The following PLPPR1 variants were observed in gnomAD, a reference collection of about 807,000 sequenced individuals.
PLPPR1 encodes the protein phospholipid phosphatase related 1, also known as phospholipid phosphatase-related protein type 1.
PLPPR1 carries 10 observed loss-of-function variants against 33.1 expected under a neutral mutation model. The observed-to-expected ratio is 0.30, with a 90% CI of 0.19 to 0.51. PLPPR1 has a LOEUF of 0.51. PLPPR1 is among the 20% of genes least tolerant of loss of function. PLPPR1 has a pLI of 0.97. For synonymous variants in PLPPR1, 151 were observed against 151.0 expected (o/e 1.00, Z 0.00); for missense variants, 304 against 408.1 (o/e 0.74, Z 2.20).
chr9:101,094,925 A>G (rs900429746), intron 1 of PLPPR1, among the ~76,000 whole-genome samples: 4 of 152,140 alleles, frequency 2.6e-5, no homozygotes, highest in Non-Finnish European at 1.5e-5. Flanking sequence ...ATTAGGCAGG[A>G]AGTTTCAAGG....
intron 1 of PLPPR1, among the ~76,000 whole-genome samples, chr9:101,120,728 T>G (rs926727825): frequency 1.5e-5 from 2 of 137,362 alleles, no homozygotes; most frequent in Admixed American, 7.4e-5. Flanking sequence ...TGAGGACCAG[T>G]TACTCAGCCA....
intron 4 of PLPPR1, among the ~76,000 whole-genome samples, chr9:101,291,725 A>G (rs903369692): frequency 2.6e-5 from 4 of 152,230 alleles, no homozygotes; most frequent in Non-Finnish European, 4.4e-5. Context: ...CCCGCAGCTG[A>G]GGGTCCTGTC....
intron 1 of PLPPR1, among the ~76,000 whole-genome samples, chr9:101,051,256 T>C (rs1452447786): frequency 6.6e-6 from 1 of 151,726 alleles, no homozygotes; most frequent in East Asian, 1.9e-4. Context: ...TTACTACTAC[T>C]ACTACTACTA....
At chr9:101,309,864 C>G (rs976959073) in intron 5 of PLPPR1, among the ~76,000 whole-genome samples, 1 of 152,172 alleles carries the variant, frequency 6.6e-6, no homozygotes, top group African/African-American at 2.4e-5. Context: ...CACACCTTCT[C>G]ACACCTGCCT....
chr9:101,297,674 TA>T, intron 4 of PLPPR1, among the ~76,000 whole-genome samples: 2 of 152,364 alleles, frequency 1.3e-5, no homozygotes, highest in East Asian at 3.9e-4. Context: ...TATATTTATA[TA>T]ATGTGCAAAG....
chr9:101,277,716 C>T (rs1403144185), intron 3 of PLPPR1, among the ~76,000 whole-genome samples: 1 of 152,172 alleles, frequency 6.6e-6, no homozygotes, highest in Non-Finnish European at 1.5e-5. Flanking sequence ...AAATTAAACA[C>T]CTGGTTAGGG....
intron 2 of PLPPR1, among the ~76,000 whole-genome samples, chr9:101,227,400 G>A (rs1428996397): frequency 6.6e-6 from 1 of 152,146 alleles, no homozygotes; most frequent in Admixed American, 6.6e-5. Context: ...TTCTAATGAT[G>A]AGTGATGTTG....
chr9:101,211,610 T>C (rs938726421), intron 2 of PLPPR1, among the ~76,000 whole-genome samples: 2 of 152,172 alleles, frequency 1.3e-5, no homozygotes, highest in African/African-American at 4.8e-5. Flanking sequence ...ATTCTACTAG[T>C]TAGGCCCACC....
chr9:101,172,769 T>C (rs900163379), intron 1 of PLPPR1, among the ~76,000 whole-genome samples: 1 of 152,088 alleles, frequency 6.6e-6, no homozygotes, highest in Admixed American at 6.6e-5. Flanking sequence ...CTCAGGGTGA[T>C]CGCTGGCCAC....
At chr9:101,097,011 CAT>C (rs368934694) in intron 1 of PLPPR1, among the ~76,000 whole-genome samples, 139 of 152,288 alleles carry the variant, frequency 9.1e-4, no homozygotes, top group African/African-American at 3.1e-3. Flanking sequence ...AAGCTGCAGA[CAT>C]GTGTAACATT....
chr9:101,128,148 C>T (rs1053218696), intron 1 of PLPPR1, among the ~76,000 whole-genome samples: 1 of 152,018 alleles, frequency 6.6e-6, no homozygotes, highest in African/African-American at 2.4e-5. Flanking sequence ...GGAACATGGG[C>T]TCTGTGTCTA....
At chr9:101,086,406 A>T (rs545245472) in intron 1 of PLPPR1, among the ~76,000 whole-genome samples, 14 of 152,300 alleles carry the variant, frequency 9.2e-5, no homozygotes, top group African/African-American at 3.1e-4. Context: ...TTGTCCTATG[A>T]TGGGTCAAAA....
intron 1 of PLPPR1, among the ~76,000 whole-genome samples, chr9:101,098,711 G>A (rs1368403713): frequency 6.6e-6 from 1 of 152,236 alleles, no homozygotes; most frequent in East Asian, 1.9e-4. Context: ...TGTATTTAAT[G>A]TAAATGTCAA....
At chr9:101,106,081 G>T (rs1830964665) in intron 1 of PLPPR1, among the ~76,000 whole-genome samples, 1 of 151,496 alleles carries the variant, frequency 6.6e-6, no homozygotes, top group African/African-American at 2.4e-5. Flanking sequence ...ACAGCACACT[G>T]ATGGTCTTGA....
chr9:101,243,294 A>G (rs1007629671), intron 2 of PLPPR1, among the ~76,000 whole-genome samples: 1 of 151,986 alleles, frequency 6.6e-6, no homozygotes, highest in African/African-American at 2.4e-5. Context: ...TTTTAGAAAA[A>G]AAATATATTA....
At position 101,277,055 on chromosome 9, in the gene PLPPR1, G is replaced by C. The variant is rs558508883; in HGVS notation, c.252+6987G>C. ...TCAGGAAAGATTAAAGTGGAGCATG[G>C]AGACATTGGCAGTTAGGGCTAGCAG... On this transcript the variant is annotated intron_variant, in intron 3 of 7. Coordinates refer to ENST00000374874, the MANE Select transcript of PLPPR1 (RefSeq NM_207299.2). 2.1e-4 allele frequency among the ~76,000 whole-genome samples: 32 copies of C among 152,318 alleles called. No individual in the cohort carries two copies. In the South Asian group the frequency reaches 6.4e-3, roughly 31 times the overall value.
At chr9:101,165,073 G>A (rs1433988637) in intron 1 of PLPPR1, among the ~76,000 whole-genome samples, 1 of 152,152 alleles carries the variant, frequency 6.6e-6, no homozygotes, top group Non-Finnish European at 1.5e-5. Flanking sequence ...CAGGCCAGAT[G>A]CTGTGAGAGA....
chr9:101,048,145 T>C (rs1035127029), intron 1 of PLPPR1, among the ~76,000 whole-genome samples: 10 of 152,218 alleles, frequency 6.6e-5, no homozygotes, highest in Non-Finnish European at 1.2e-4. Flanking sequence ...CTTCTTCTTC[T>C]GTGTCTTGAG....
intron 1 of PLPPR1, among the ~76,000 whole-genome samples, chr9:101,148,059 C>G (rs1448532542): frequency 6.6e-6 from 1 of 152,130 alleles, no homozygotes; most frequent in Non-Finnish European, 1.5e-5. Flanking sequence ...CAACCTGCCT[C>G]TCTGCTCCAA....
Sources: allele counts gnomAD v4.1 joint callset (sites outside exome capture counted in the v4.1 genomes callset), GRCh38; gene constraint gnomAD v4.1.1; transcripts MANE v1.5; gene names NCBI Gene and HGNC (gene_info 2026-07-23, HGNC 2026-07-21).